The following TTC34 variants were observed in gnomAD, a reference collection of about 807,000 sequenced individuals.
TTC34 encodes tetratricopeptide repeat protein 34.
In TTC34, 44 loss-of-function variants were observed where a neutral mutation model predicts 40.7. The ratio of observed to expected loss-of-function variants is 1.08; its 90% confidence interval spans 0.85 to 1.39. The LOEUF (loss-of-function observed/expected upper bound fraction) is 1.39, where lower values mean the gene tolerates loss of function less well. TTC34 is among the 40% of genes most tolerant of loss of function. The pLI is 0.00. For synonymous variants in TTC34, 422 were observed against 398.6 expected (o/e 1.06, Z -0.70); for missense variants, 884 against 838.0 (o/e 1.05, Z -0.68).
intron 6 of TTC34, among the ~76,000 whole-genome samples, chr1:2,688,271 C>G (rs550976387): frequency 2.6e-4 from 38 of 146,984 alleles, no homozygotes; most frequent in African/African-American, 9.8e-4. Context: ...ATGTGACAGC[C>G]TGGATCAGCA....
At chr1:2,682,094 G>A (rs796788248) in intron 6 of TTC34, among the ~76,000 whole-genome samples, 76 of 38,084 alleles carry the variant, frequency 2.0e-3, no homozygotes, top group African/African-American at 2.6e-3. Flanking sequence ...ACAGCCTGGA[G>A]CAGCACCCAC....
At chr1:2,768,090 A>T (rs1403659872) in intron 6 of TTC34, among the ~76,000 whole-genome samples, 1 of 151,484 alleles carries the variant, frequency 6.6e-6, no homozygotes, top group African/African-American at 2.4e-5. Context: ...CCACATCCCC[A>T]GGTAAGTGTC....
intron 6 of TTC34, among the ~76,000 whole-genome samples, chr1:2,652,798 C>G (rs1384102645): frequency 1.1e-5 from 1 of 89,270 alleles, no homozygotes; most frequent in East Asian, 3.1e-4. Context: ...CCTGGAGCAG[C>G]AACCACACCC....
At chr1:2,786,755 C>T (rs1206446661) in intron 4 of TTC34, among the ~76,000 whole-genome samples, 1 of 152,212 alleles carries the variant, frequency 6.6e-6, no homozygotes, top group Non-Finnish European at 1.5e-5. Context: ...GACCTCCACC[C>T]CACAACGTCC....
chr1:2,753,122 ACAGCACCAAAAACCCCAGGT>A (rs1641381299), intron 6 of TTC34, among the ~76,000 whole-genome samples: 3 of 79,456 alleles, frequency 3.8e-5, no homozygotes, highest in African/African-American at 2.1e-4. Context: ...ACAGCCTGGA[ACAGCACCAAAAACCCCAGGT>A]GAGCATCTGA....
intron 6 of TTC34, among the ~76,000 whole-genome samples, chr1:2,684,746 A>G (rs1350485192): frequency 8.5e-6 from 1 of 117,784 alleles, no homozygotes; most frequent in Non-Finnish European, 1.7e-5. Flanking sequence ...AGCCTGGAAC[A>G]GCACCAAAAA....
Position 2,755,906 on chromosome 1 carries a change from C to G in TTC34, c.2226+27703G>C, listed in dbSNP as rs1466114874. Among the ~76,000 whole-genome samples the G allele has an allele frequency of 7.2e-5, 6 of 83,520 alleles. 2 individuals are homozygous for G. Among genetic ancestry groups the G allele is most frequent in the Admixed American group, 1.1e-4 (1 of 9,142 alleles). 54.8% of individuals were successfully genotyped at this position (83,520 alleles called of 152,430 possible). A position where few individuals can be genotyped will look rare whatever the true frequency, so the allele number is the denominator to read the frequency against. ...ACATCCTTGAGCAGCACCCACACCC[C>G]CAGGTGAGCATCTGACAGCCTGGAG... On this transcript the variant is annotated intron_variant, in intron 6 of 8. Transcript: ENST00000401095.
At chr1:2,797,695 G>T (rs1361563486) in intron 2 of TTC34, among the ~76,000 whole-genome samples, 1 of 152,088 alleles carries the variant, frequency 6.6e-6, no homozygotes, top group African/African-American at 2.4e-5. Context: ...CAGTAGGCTG[G>T]GCTGTGGCCC....
intron 6 of TTC34, among the ~76,000 whole-genome samples, chr1:2,677,758 AAC>A (rs1639966455): frequency 6.6e-6 from 1 of 151,310 alleles, no homozygotes; most frequent in African/African-American, 2.4e-5. Context: ...GACAGCCTGG[AAC>A]AGCACCCACA....
At chr1:2,760,032 G>GCA (rs1641644411) in intron 6 of TTC34, among the ~76,000 whole-genome samples, 1 of 112,354 alleles carries the variant, frequency 8.9e-6, no homozygotes, top group Non-Finnish European at 1.8e-5. Context: ...GTCCGGAGCA[G>GCA]CGCCCACACA....
At chr1:2,749,405 C>T (rs1444652352) in intron 6 of TTC34, among the ~76,000 whole-genome samples, 1 of 130,390 alleles carries the variant, frequency 7.7e-6, no homozygotes, top group Non-Finnish European at 1.6e-5. Flanking sequence ...ACCCTGCACC[C>T]CCAGGTGCGC....
intron 6 of TTC34, among the ~76,000 whole-genome samples, chr1:2,648,625 C>T (rs771449285): frequency 2.0e-4 from 30 of 151,144 alleles, no homozygotes; most frequent in Non-Finnish European, 2.8e-4. Context: ...CAGCACCCCA[C>T]ACCCCAGGGG....
exon 9 of TTC34, chr1:2,639,212 A>G (rs1638848145): frequency 6.6e-6 from 1 of 152,346 alleles, no homozygotes; most frequent in African/African-American, 2.4e-5. Flanking sequence ...GAGCCAGGCC[A>G]AAGGCTGATG....
intron 6 of TTC34, among the ~76,000 whole-genome samples, chr1:2,684,393 C>A (rs1236312389): frequency 1.3e-5 from 2 of 149,914 alleles, no homozygotes; most frequent in East Asian, 2.0e-4. Flanking sequence ...ACAGAATCCA[C>A]ACCCCCAGGT....
intron 6 of TTC34, among the ~76,000 whole-genome samples, chr1:2,779,523 C>T (rs1275015748): frequency 1.3e-5 from 2 of 152,110 alleles, no homozygotes; most frequent in African/African-American, 4.8e-5. Flanking sequence ...CCAGATTTCA[C>T]CGTGTTAGCC....
In TTC34 at chr1:2,647,609, A is replaced by G. The variant is rs528009728; in HGVS notation, c.2227-2046T>C. Among the ~76,000 whole-genome samples, 280 of 152,248 alleles carry G rather than the reference A, an allele frequency of 1.8e-3. 1 individual carries two copies. Among genetic ancestry groups the G allele is most frequent in the African/African-American group, 6.5e-3 (271 of 41,536 alleles). On this transcript the variant is annotated intron_variant, in intron 6 of 8. Coordinates refer to ENST00000401095, the Ensembl canonical transcript of TTC34. Reference sequence around the variant, plus strand: ...AGATTGTGGCACTGCACTCCAGCCTAGGTGACAGAGTGAGACTCCATCTCT... The same window carrying G: ...AGATTGTGGCACTGCACTCCAGCCTGGGTGACAGAGTGAGACTCCATCTCT...
intron 6 of TTC34, among the ~76,000 whole-genome samples, chr1:2,751,169 C>A (rs1394060753): frequency 8.4e-6 from 1 of 119,674 alleles, no homozygotes; most frequent in Non-Finnish European, 1.7e-5. Flanking sequence ...CACGCACATC[C>A]CCAGGCGAGC....
chr1:2,687,097 T>A (rs1640396675), intron 6 of TTC34, among the ~76,000 whole-genome samples: 1 of 133,272 alleles, frequency 7.5e-6, no homozygotes, highest in South Asian at 2.3e-4. Context: ...CAGGTGAACA[T>A]CCGACATCGT....
chr1:2,754,589 G>A (rs1641439276), intron 6 of TTC34, among the ~76,000 whole-genome samples: 1 of 87,680 alleles, frequency 1.1e-5, no homozygotes, highest in African/African-American at 7.7e-5. Context: ...CCCCAGGCGA[G>A]CATCTGACAG....
Sources: allele counts gnomAD v4.1 joint callset (sites outside exome capture counted in the v4.1 genomes callset), GRCh38; gene constraint gnomAD v4.1.1; transcripts MANE v1.5; gene names NCBI Gene and HGNC (gene_info 2026-07-23, HGNC 2026-07-21).